The following NLGN1 variants were observed in gnomAD, a reference collection of about 807,000 sequenced individuals.
NLGN1 encodes the protein neuroligin-1.
Under a neutral mutation model 65.5 loss-of-function variants are expected in NLGN1, and 12 were observed. That is an observed-to-expected ratio of 0.18 (90% CI 0.12 to 0.30). NLGN1 has a LOEUF of 0.30. Ranked by LOEUF, NLGN1 falls within the 10% of genes least tolerant of loss-of-function variation. The pLI, the probability that NLGN1 is intolerant of heterozygous loss-of-function variation, is 1.00. For missense variants in NLGN1, 750 were observed against 1,007.1 expected (o/e 0.74, Z 3.46); for synonymous variants, 350 against 359.5 (o/e 0.97, Z 0.30).
chr3:173,423,379 G>A (rs115852264), intron 1 of NLGN1, among the ~76,000 whole-genome samples: 6,250 of 151,986 alleles, frequency 0.041, 422 homozygotes, highest in African/African-American at 0.14. Context: ...AACTCATTCC[G>A]GCATTAACTC....
intron 4 of NLGN1, among the ~76,000 whole-genome samples, chr3:173,994,654 G>C (rs947501504): frequency 2.0e-5 from 3 of 152,044 alleles, no homozygotes; most frequent in African/African-American, 7.2e-5. Flanking sequence ...GGCAAAATTA[G>C]GTGACAGCAT....
intron 4 of NLGN1, among the ~76,000 whole-genome samples, chr3:173,993,658 A>C (rs1288947009): frequency 1.4e-5 from 2 of 144,830 alleles, no homozygotes; most frequent in African/African-American, 2.7e-5. Context: ...GATAGATGAT[A>C]GATAGATAGA....
intron 3 of NLGN1, among the ~76,000 whole-genome samples, chr3:173,742,727 C>T (rs571012028): frequency 2.0e-5 from 3 of 152,044 alleles, no homozygotes; most frequent in Admixed American, 6.5e-5. Context: ...TTTTTACTTT[C>T]GATTTGTGCT....
intron 4 of NLGN1, among the ~76,000 whole-genome samples, chr3:173,913,639 T>C (rs1192535845): frequency 6.6e-6 from 1 of 152,086 alleles, no homozygotes; most frequent in Non-Finnish European, 1.5e-5. Flanking sequence ...CCAGGTACTA[T>C]TATCTACTCT....
chr3:174,164,365 C>G lies in NLGN1; in HGVS notation c.647-110950C>G, dbSNP rs150444192. Among the ~76,000 whole-genome samples the G allele has an allele frequency of 1.1e-3, 160 of 152,150 alleles. 1 individual carries two copies. In the East Asian group the frequency reaches 0.027, roughly 26 times the overall value. On this transcript the variant is annotated intron_variant, in intron 4 of 6. Coordinates refer to ENST00000457714, the Ensembl canonical transcript of NLGN1. ...GATGCATAGTTTACAAATATTTTCT[C>G]CCATTCTGTAGGCTGTTTACTCTCT... is the stretch of plus-strand genomic sequence containing the variant.
chr3:173,845,657 C>T (rs986195001), intron 4 of NLGN1, among the ~76,000 whole-genome samples: 13 of 141,284 alleles, frequency 9.2e-5, no homozygotes, highest in East Asian at 2.1e-4. Flanking sequence ...GATAAATAGA[C>T]GAATTATTCC....
chr3:173,652,287 T>C (rs543200467), intron 3 of NLGN1, among the ~76,000 whole-genome samples: 1 of 152,332 alleles, frequency 6.6e-6, no homozygotes, highest in Admixed American at 6.5e-5. Context: ...CCCATTTGTT[T>C]ATTTTTGGTT....
chr3:173,641,497 A>C (rs1376783003), intron 3 of NLGN1, among the ~76,000 whole-genome samples: 1 of 152,096 alleles, frequency 6.6e-6, no homozygotes, highest in East Asian at 1.9e-4. Context: ...GGGTTTCGCC[A>C]TGTTGGCCCG....
chr3:174,152,913 T>C (rs1427409624), intron 4 of NLGN1, among the ~76,000 whole-genome samples: 1 of 152,186 alleles, frequency 6.6e-6, no homozygotes, highest in African/African-American at 2.4e-5. Context: ...TCAAATCATT[T>C]TATTCATCTA....
intron 4 of NLGN1, among the ~76,000 whole-genome samples, chr3:174,000,684 G>T (rs545217401): frequency 2.0e-5 from 3 of 152,272 alleles, no homozygotes; most frequent in African/African-American, 7.2e-5. Flanking sequence ...CACAATGAGG[G>T]CAAGAAGGCT....
intron 2 of NLGN1, among the ~76,000 whole-genome samples, chr3:173,561,896 A>G (rs1034162079): frequency 6.6e-6 from 1 of 152,232 alleles, no homozygotes; most frequent in African/African-American, 2.4e-5. Flanking sequence ...AATCTGCTGA[A>G]GGCTCGAAAA....
At chr3:174,157,682 C>T (rs1300751501) in intron 4 of NLGN1, among the ~76,000 whole-genome samples, 1 of 151,716 alleles carries the variant, frequency 6.6e-6, no homozygotes, top group Non-Finnish European at 1.5e-5. Context: ...CTTTTACTTG[C>T]AACCTTAACC....
chr3:173,894,627 C>CTTTTTTTTTTTTTTT (rs1560577798), intron 4 of NLGN1, among the ~76,000 whole-genome samples: 1 of 132,582 alleles, frequency 7.5e-6, no homozygotes, highest in Non-Finnish European at 1.5e-5. Flanking sequence ...TCTTTTTTTT[C>CTTTTTTTTTTTTTTT]TTTTTCTTTT....
intron 4 of NLGN1, among the ~76,000 whole-genome samples, chr3:174,073,897 A>T (rs1740400704): frequency 1.3e-5 from 2 of 152,214 alleles, no homozygotes; most frequent in Admixed American, 1.3e-4. Flanking sequence ...AATAAATGAT[A>T]AATACTATAT....
At chr3:174,272,687 A>ATAGAT (rs1553987222) in intron 4 of NLGN1, among the ~76,000 whole-genome samples, 1 of 149,156 alleles carries the variant, frequency 6.7e-6, no homozygotes, top group Admixed American at 6.7e-5. Flanking sequence ...AGATAGATAG[A>ATAGAT]TAGATAGATA....
chr3:173,842,098 G>A (rs1375399285), intron 4 of NLGN1, among the ~76,000 whole-genome samples: 2 of 152,136 alleles, frequency 1.3e-5, no homozygotes, highest in Admixed American at 6.5e-5. Context: ...CACAGCTTAC[G>A]TGGATGGCAG....
intron 4 of NLGN1, among the ~76,000 whole-genome samples, chr3:173,818,618 A>G (rs553449318): frequency 2.0e-5 from 3 of 152,294 alleles, no homozygotes; most frequent in Admixed American, 2.0e-4. Context: ...CACAGGGAAA[A>G]TATCCCAGGA....
intron 2 of NLGN1, among the ~76,000 whole-genome samples, chr3:173,496,666 T>A (rs749585333): frequency 6.6e-6 from 1 of 151,784 alleles, no homozygotes; most frequent in Non-Finnish European, 1.5e-5. Context: ...TGAACATAAA[T>A]GTGGTTGATG....
chr3:173,789,967 C>G (rs1176109055), intron 3 of NLGN1: 2 of 448,604 alleles, frequency 4.5e-6, no homozygotes, highest in Non-Finnish European at 8.9e-6. Flanking sequence ...CTACCCTTGT[C>G]TTTTTTTAAT....
Sources: gnomAD v4.1 joint callset for allele counts (sites outside exome capture counted in the v4.1 genomes callset) on GRCh38, gnomAD v4.1.1 for gene constraint, MANE v1.5 for transcripts, NCBI Gene and HGNC (gene_info 2026-07-23, HGNC 2026-07-21) for gene names.